ERI1: variants seen among roughly 807,000 people sequenced by gnomAD.
ERI1 encodes the protein exoribonuclease 1, also known as 3'-5' exoribonuclease 1.
In ERI1, 39 loss-of-function variants were observed where a neutral mutation model predicts 39.7. The ratio of observed to expected loss-of-function variants is 0.98; its 90% confidence interval spans 0.76 to 1.28. ERI1 has a LOEUF of 1.28. ERI1 is among the 50% of genes most tolerant of loss of function. ERI1 has a pLI of 0.00. For missense variants in ERI1, 581 were observed against 416.9 expected, an observed-to-expected ratio of 1.39 and a Z score of -3.43; for synonymous variants, 204 against 149.6, an observed-to-expected ratio of 1.36 and a Z score of -2.65.
chr8:9,059,403 A>C (rs958722811), intron 3 of ERI1, among the ~76,000 whole-genome samples: 14 of 152,036 alleles, frequency 9.2e-5, no homozygotes, highest in Non-Finnish European at 1.6e-4. Context: ...GTTTGGAGAG[A>C]TAACGGGCGA....
chr8:9,067,654 A>G (rs1314699135), intron 3 of ERI1, among the ~76,000 whole-genome samples: 1 of 55,000 alleles, frequency 1.8e-5, no homozygotes, highest in Admixed American at 3.6e-4. Flanking sequence ...GAACCTTTCT[A>G]AAAAAAAAAA....
At chr8:9,059,879 C>G (rs1798634802) in intron 3 of ERI1, among the ~76,000 whole-genome samples, 1 of 152,088 alleles carries the variant, frequency 6.6e-6, no homozygotes, top group South Asian at 2.1e-4. Flanking sequence ...GTAGGGATGA[C>G]AAGTTTTCTG....
chr8:9,013,272 C>A (rs1050307681), intron 3 of ERI1, among the ~76,000 whole-genome samples: 1 of 151,028 alleles, frequency 6.6e-6, no homozygotes, highest in East Asian at 1.9e-4. Flanking sequence ...GCCTCAGGTT[C>A]CCCAAGTGCT....
At chr8:9,055,962 A>G (rs1348333907) in intron 3 of ERI1, among the ~76,000 whole-genome samples, 2 of 152,188 alleles carry the variant, frequency 1.3e-5, no homozygotes, top group African/African-American at 4.8e-5. Context: ...GGGGCAAGAG[A>G]CAGAAAGGCA....
intron 3 of ERI1, among the ~76,000 whole-genome samples, chr8:9,079,597 G>A (rs2117447402): frequency 6.6e-6 from 1 of 152,322 alleles, no homozygotes; most frequent in East Asian, 1.9e-4. Context: ...GAATAGTTTA[G>A]CCGAAGTGAG....
chr8:9,005,727 C>G (rs1815939378), intron 1 of ERI1, among the ~76,000 whole-genome samples: 1 of 151,866 alleles, frequency 6.6e-6, no homozygotes, highest in African/African-American at 2.4e-5. Flanking sequence ...ATCTCCTGAC[C>G]TCGTTATCCG....
intron 3 of ERI1, among the ~76,000 whole-genome samples, chr8:9,016,106 A>G (rs765705097): frequency 7.9e-5 from 12 of 152,152 alleles, no homozygotes; most frequent in Non-Finnish European, 1.5e-4. Flanking sequence ...TCACACACTC[A>G]CTTTATCGTA....
At chr8:9,070,597 C>G (rs1799016493) in intron 3 of ERI1, among the ~76,000 whole-genome samples, 1 of 152,156 alleles carries the variant, frequency 6.6e-6, no homozygotes, top group Non-Finnish European at 1.5e-5. Context: ...ACTCATTTCC[C>G]AACTACTTAT....
At chr8:9,067,207 A>G (rs950189547) in intron 3 of ERI1, among the ~76,000 whole-genome samples, 7 of 152,202 alleles carry the variant, frequency 4.6e-5, no homozygotes, top group South Asian at 2.1e-4. Flanking sequence ...TACGTCATTC[A>G]TACACATGAA....
chr8:9,021,909 C>G (rs1180616237), intron 6 of ERI1, among the ~76,000 whole-genome samples: 1 of 150,976 alleles, frequency 6.6e-6, no homozygotes, highest in African/African-American at 2.4e-5. Flanking sequence ...TTTGGCTGGC[C>G]ATTTGGATTG....
At chr8:9,005,583 C>T (rs937361581) in intron 1 of ERI1, among the ~76,000 whole-genome samples, 2 of 148,872 alleles carry the variant, frequency 1.3e-5, no homozygotes, top group Non-Finnish European at 3.0e-5. Flanking sequence ...GGCTCAGTCT[C>T]GGCTCGCTGC....
chr8:9,077,873 T>C (rs1435335057), intron 3 of ERI1, among the ~76,000 whole-genome samples: 1 of 152,160 alleles, frequency 6.6e-6, no homozygotes, highest in Non-Finnish European at 1.5e-5. Flanking sequence ...TTTTTTCTGA[T>C]CCCCAACACC....
chr8:9,004,829 A>T (rs28812315), intron 1 of ERI1, among the ~76,000 whole-genome samples: 1 of 151,792 alleles, frequency 6.6e-6, no homozygotes, highest in African/African-American at 2.4e-5. Flanking sequence ...CTGGGATTAC[A>T]GGAACCCACC....
At chr8:9,042,517 A>G (rs1798059074) in intron 3 of ERI1, among the ~76,000 whole-genome samples, 1 of 152,164 alleles carries the variant, frequency 6.6e-6, no homozygotes, top group Non-Finnish European at 1.5e-5. Context: ...ACACCCTCCC[A>G]TTATACTCAA....
At chr8:9,022,240 C>G (rs1817986578) in intron 6 of ERI1, among the ~76,000 whole-genome samples, 1 of 151,920 alleles carries the variant, frequency 6.6e-6, no homozygotes, top group East Asian at 1.9e-4. Context: ...ATCTGGATTG[C>G]TTTTTTGCGA....
intron 3 of ERI1, among the ~76,000 whole-genome samples, chr8:9,044,181 G>C (rs1798108757): frequency 6.6e-6 from 1 of 152,194 alleles, no homozygotes; most frequent in African/African-American, 2.4e-5. Flanking sequence ...ATCAGAGTAA[G>C]ATAAAACATC....
chr8:9,077,179 C>A (rs964805013), intron 3 of ERI1, among the ~76,000 whole-genome samples: 1 of 152,164 alleles, frequency 6.6e-6, no homozygotes, highest in Non-Finnish European at 1.5e-5. Flanking sequence ...CCAGCCATAT[C>A]ATCAGATTAA....
At chr8:9,059,179 G>A (rs1798609426) in intron 3 of ERI1, among the ~76,000 whole-genome samples, 1 of 152,074 alleles carries the variant, frequency 6.6e-6, no homozygotes. Context: ...AATGTCATCA[G>A]TTTAGGCAGG....
At chr8:9,020,858 A>G (rs1383913286) in intron 6 of ERI1, among the ~76,000 whole-genome samples, 1 of 152,184 alleles carries the variant, frequency 6.6e-6, no homozygotes, top group Non-Finnish European at 1.5e-5. Context: ...CATAGCCTTC[A>G]CCAGAACTGG....
Sources: allele counts gnomAD v4.1 joint callset (sites outside exome capture counted in the v4.1 genomes callset), GRCh38; gene constraint gnomAD v4.1.1; transcripts MANE v1.5; gene names NCBI Gene and HGNC (gene_info 2026-07-23, HGNC 2026-07-21).